LYSMD4: variants seen among roughly 807,000 people sequenced by gnomAD.
LYSMD4 encodes lysM and putative peptidoglycan-binding domain-containing protein 4.
A neutral mutation model predicts 6.1 loss-of-function variants in LYSMD4; 9 were observed. That is an observed-to-expected ratio of 1.47 (90% CI 0.88 to 2.56). The LOEUF is 2.56. Among genes scored for constraint, LYSMD4 ranks in the 30% most tolerant of loss-of-function variants. The probability of loss-of-function intolerance (pLI) is 0.00; values close to 1 mark genes in which losing one functional copy is unlikely to be tolerated. For missense variants in LYSMD4, 384 were observed against 373.5 expected (o/e 1.03, Z -0.23); for synonymous variants, 143 against 148.5 (o/e 0.96, Z 0.27).
chr15:99,716,781 G>A (rs943992625), exon 1 of LYSMD4: 2 of 420,284 alleles, frequency 4.8e-6, no homozygotes, highest in Non-Finnish European at 9.7e-6. Flanking sequence ...ACAGTGCTGT[G>A]GATGAGTGGA....
upstream of LYSMD4, among the ~76,000 whole-genome samples, chr15:99,718,877 C>T (rs1159713712): frequency 6.6e-6 from 1 of 151,500 alleles, no homozygotes; most frequent in African/African-American, 2.4e-5. Context: ...ACTCTTTCTG[C>T]AGACACAACA....
downstream of LYSMD4, among the ~76,000 whole-genome samples, chr15:99,726,168 T>TTTTTTTTCC (rs60862713): frequency 6.8e-6 from 1 of 146,144 alleles, no homozygotes; most frequent in African/African-American, 2.5e-5. Flanking sequence ...TTTTTTTTTT[T>TTTTTTTTCC]CCCGCCTGAG....
In LYSMD4 at chr15:99,729,017, T is replaced by A; in HGVS notation, c.*106A>T. 1 of 1,467,890 alleles carries A rather than the reference T, an allele frequency of 6.8e-7. No individual in the cohort carries two copies. Among genetic ancestry groups the A allele is most frequent in the Non-Finnish European group, 9.3e-7 (1 of 1,078,450 alleles). 90.9% of individuals were successfully genotyped at this position (1,467,890 alleles called of 1,614,324 possible). ...TGCAGTGACTTCTGAAAAGTGTCCA[T>A]CCTTCCCCGGAAGCAAAATGCAGCA... is the stretch of plus-strand genomic sequence containing the variant. On this transcript the variant is annotated 3_prime_UTR_variant, in exon 3 of 3. Transcript: ENST00000684762.
chr15:99,731,638 CG>C, intron 2 of LYSMD4, 79 bp downstream of exon 2: 6 of 1,521,308 alleles, frequency 3.9e-6, no homozygotes, highest in Non-Finnish European at 4.4e-6. Flanking sequence ...TTAAGAAGGG[CG>C]GCAAGGGCAC....
At chr15:99,722,207 T>C (rs2059242595), upstream of LYSMD4, among the ~76,000 whole-genome samples, 1 of 152,228 alleles carries the variant, frequency 6.6e-6, no homozygotes, top group African/African-American at 2.4e-5. Context: ...TTATTAATGC[T>C]GTGTGTGTTC....
At chr15:99,717,036 C>T (rs1431860609) in exon 1 of LYSMD4, 1 of 184,060 alleles carries the variant, frequency 5.4e-6, no homozygotes, top group Non-Finnish European at 1.2e-5. Flanking sequence ...ACTTAATGGT[C>T]ATCTCCCTTT....
At position 99,731,826 on chromosome 15, in the gene LYSMD4, G is replaced by A. The variant is rs771982870; in HGVS notation, c.174C>T (p.Ser58=). ...LRPRGKERHK[S]GVHQPPQAGA... ...CCGCCTGGGGAGGCTGGTGGACACC[G>A]CTCTTGTGGCGCTCCTTGCCCCGGG... The change falls in exon 2 of 3, where the codon AGC becomes AGT. Residue 58 remains serine (S), a synonymous_variant. Transcript: ENST00000684762. 1.2e-6 allele frequency: 2 copies of A among 1,612,870 alleles called. No individual in the cohort carries two copies. Among genetic ancestry groups the A allele is most frequent in the East Asian group, 2.2e-5 (1 of 44,880 alleles).
intron 2 of LYSMD4, chr15:99,731,062 C>T (rs1412384644): frequency 1.7e-5 from 16 of 961,330 alleles, no homozygotes; most frequent in Admixed American, 2.4e-5. Context: ...AATTAAGTAG[C>T]TTATATACCC....
downstream of LYSMD4, among the ~76,000 whole-genome samples, chr15:99,722,465 G>A (rs1567545909): frequency 6.6e-6 from 1 of 152,104 alleles, no homozygotes. Flanking sequence ...ACAAAATCCA[G>A]CATCCAACAA....
chr15:99,731,836 C>T lies in LYSMD4; in HGVS notation c.164G>A (p.Arg55His), dbSNP rs373755258. 17 of 1,612,958 alleles carry T rather than the reference C, an allele frequency of 1.1e-5. 1 individual carries two copies. The Admixed American group carries it at 2.0e-4, about 19-fold the overall frequency. ...RVVLRPRGKE[R>H]HKSGVHQPPQ... ...AGGCTGGTGGACACCGCTCTTGTGG[C>T]GCTCCTTGCCCCGGGGCCGCAAAAC... Residue 55 changes from arginine to histidine, a missense_variant, in exon 2 of 3, where the codon CGC becomes CAC. Coordinates refer to ENST00000684762, the MANE Select transcript of LYSMD4 (RefSeq NM_001284417.2).
chr15:99,718,598 G>A (rs1158347504), upstream of LYSMD4, among the ~76,000 whole-genome samples: 1 of 152,058 alleles, frequency 6.6e-6, no homozygotes, highest in South Asian at 2.1e-4. Flanking sequence ...TTTCTCCTGT[G>A]GGCTATAATC....
downstream of LYSMD4, among the ~76,000 whole-genome samples, chr15:99,726,066 C>T (rs2059277200): frequency 6.6e-6 from 1 of 151,394 alleles, no homozygotes; most frequent in South Asian, 2.1e-4. Context: ...GGCTGCAGCC[C>T]AGTCTTCCCC....
chr15:99,727,008 A>ACTC (rs2059289705), downstream of LYSMD4, among the ~76,000 whole-genome samples: 1 of 152,070 alleles, frequency 6.6e-6, no homozygotes, highest in South Asian at 2.1e-4. Flanking sequence ...CACAGTCCTC[A>ACTC]CTCCTGACAG....
chr15:99,720,623 G>A (rs548571007), upstream of LYSMD4, among the ~76,000 whole-genome samples: 2 of 152,198 alleles, frequency 1.3e-5, no homozygotes, highest in African/African-American at 4.8e-5. Flanking sequence ...TGCAGCTGCA[G>A]CTTCCTGGCA....
At position 99,729,680 on chromosome 15, in the gene LYSMD4, C is replaced by CATAT. The variant is rs770598295; in HGVS notation, c.330_333dup (p.Ala112IlefsTer7). ...ACTGGAATCTTAACAGATTTCAAAG[C>CATAT]ATATAAGTCTTGTTCTCTGATGAAG... is the stretch of plus-strand genomic sequence containing the variant. On this transcript the variant is annotated frameshift_variant, in exon 3 of 3. Coordinates refer to ENST00000684762, the MANE Select transcript of LYSMD4 (RefSeq NM_001284417.2). LOFTEE classifies it low-confidence loss of function (END_TRUNC). 1 of 1,613,764 alleles carries CATAT rather than the reference C, an allele frequency of 6.2e-7. No homozygotes were observed. The highest frequency in any genetic ancestry group is 8.5e-7 in the Non-Finnish European group (1 of 1,179,954).
chr15:99,729,103 C>T lies in LYSMD4; in HGVS notation c.*20G>A, dbSNP rs549657944. ...CAACAGCCAATTGCTAAAGCTGGGCCTAGTCTTTAAAAACAAAGCTTAGCT... is the reference window on the plus strand; with the variant it reads ...CAACAGCCAATTGCTAAAGCTGGGCTTAGTCTTTAAAAACAAAGCTTAGCT... On this transcript the variant is annotated 3_prime_UTR_variant, in exon 3 of 3. Transcript: ENST00000684762. 5.0e-6 allele frequency: 8 copies of T among 1,608,068 alleles called. No homozygotes were observed. The highest frequency in any genetic ancestry group is 2.2e-5 in the South Asian group (2 of 90,936).
At chr15:99,724,256 T>A (rs1055708256), downstream of LYSMD4, among the ~76,000 whole-genome samples, 8 of 151,772 alleles carry the variant, frequency 5.3e-5, no homozygotes, top group Non-Finnish European at 1.0e-4. Flanking sequence ...AGGTCTTTTT[T>A]AAAAATTATC....
At chr15:99,732,979 G>C in intron 1 of LYSMD4, 1 of 180,392 alleles carries the variant, frequency 5.5e-6, no homozygotes, top group Non-Finnish European at 1.1e-5. Flanking sequence ...TCGCGTCCGA[G>C]CTCAGGGGCG....
chr15:99,727,193 G>T (rs924995496), downstream of LYSMD4, among the ~76,000 whole-genome samples: 8 of 152,128 alleles, frequency 5.3e-5, no homozygotes, highest in Admixed American at 3.3e-4. Context: ...TGGCCAACAT[G>T]GCTAAACCCC....
Sources: gnomAD v4.1 joint callset for allele counts (sites outside exome capture counted in the v4.1 genomes callset) on GRCh38, gnomAD v4.1.1 for gene constraint, MANE v1.5 for transcripts, NCBI Gene and HGNC (gene_info 2026-07-23, HGNC 2026-07-21) for gene names.